The following PCMT1 variants were observed in gnomAD, a reference collection of about 807,000 sequenced individuals.
PCMT1 encodes the protein protein-L-isoaspartate (D-aspartate) O-methyltransferase.
A neutral mutation model predicts 29.2 loss-of-function variants in PCMT1; 9 were observed. The observed-to-expected ratio is 0.31, with a 90% CI of 0.19 to 0.54. PCMT1 has a LOEUF of 0.54. Ranked by LOEUF, PCMT1 falls within the 20% of genes least tolerant of loss-of-function variation. The pLI is 0.95. For synonymous variants in PCMT1, 98 were observed against 97.5 expected, an observed-to-expected ratio of 1.00 and a Z score of -0.03; for missense variants, 184 against 282.2, an observed-to-expected ratio of 0.65 and a Z score of 2.49.
chr6:149,807,970 G>C (rs769072986), intron 7 of PCMT1, among the ~76,000 whole-genome samples: 1 of 152,074 alleles, frequency 6.6e-6, no homozygotes, highest in Admixed American at 6.6e-5. Flanking sequence ...GATATATTCT[G>C]TTACTTTTGG....
chr6:149,757,431 A>G (rs1786552926), intron 1 of PCMT1, among the ~76,000 whole-genome samples: 1 of 152,186 alleles, frequency 6.6e-6, no homozygotes, highest in African/African-American at 2.4e-5. Context: ...AGCTTTGGTT[A>G]AATGCTTTCA....
At position 149,806,285 on chromosome 6, in the gene PCMT1, G is replaced by C. The variant is rs1041834604; in HGVS notation, c.*37+3869G>C. The stretch of plus-strand genomic sequence containing the variant: ...AGGGTAGTGTTCAGACTCGCGGTAG[G>C]GAGCCAGGCATTGAAGTGGTCAGAA... On this transcript the variant is annotated intron_variant, in intron 7 of 7. Transcript: ENST00000464889. Among the ~76,000 whole-genome samples the C allele has an allele frequency of 2.0e-5, 3 of 152,104 alleles. No homozygotes were observed. The East Asian group carries it at 5.8e-4, about 29-fold the overall frequency.
chr6:149,767,816 T>C (rs12213779), intron 1 of PCMT1, among the ~76,000 whole-genome samples: 80,270 of 150,568 alleles, frequency 0.53, 24,464 homozygotes, highest in East Asian at 0.83. Context: ...TGTTTTGAGA[T>C]GACGTCTTGC....
intron 5 of PCMT1, 57 bp from the exon 6 acceptor site, chr6:149,796,358 T>A (rs1264123958): frequency 1.3e-5 from 15 of 1,170,472 alleles, no homozygotes. Flanking sequence ...GTACTAGAAT[T>A]CTTCACATTA....
At chr6:149,796,308 T>G in intron 5 of PCMT1, 107 bp from the exon 6 acceptor site, 1 of 606,178 alleles carries the variant, frequency 1.6e-6, no homozygotes, top group Non-Finnish European at 2.9e-6. Flanking sequence ...CCCAGGATCA[T>G]TTATTGAAAA....
chr6:149,750,185 T>C, intron 1 of PCMT1: 3 of 618,486 alleles, frequency 4.9e-6, no homozygotes, highest in South Asian at 4.2e-5. Flanking sequence ...CAGGGGCCGC[T>C]GCTGGTGGGG....
chr6:149,787,727 C>G (rs1788181749), intron 3 of PCMT1, among the ~76,000 whole-genome samples: 1 of 151,950 alleles, frequency 6.6e-6, no homozygotes, highest in Non-Finnish European at 1.5e-5. Flanking sequence ...TAGTACAGTT[C>G]CTGTGTACTT....
intron 4 of PCMT1, among the ~76,000 whole-genome samples, chr6:149,790,830 G>A (rs530024722): frequency 6.6e-6 from 1 of 152,248 alleles, no homozygotes; most frequent in South Asian, 2.1e-4. Context: ...CCAACGTGGT[G>A]AAACCCCATC....
chr6:149,775,795 T>C (rs1295881486), intron 3 of PCMT1, among the ~76,000 whole-genome samples: 1 of 152,182 alleles, frequency 6.6e-6, no homozygotes, highest in African/African-American at 2.4e-5. Context: ...CATACATTTG[T>C]GTTTGTGTGT....
At chr6:149,773,110 T>G (rs1391204683) in intron 2 of PCMT1, 28 bp from the exon 3 acceptor site, 1 of 1,576,618 alleles carries the variant, frequency 6.3e-7, no homozygotes, top group South Asian at 1.1e-5. Flanking sequence ...CAGCTGACTG[T>G]ATCAGTAGTT....
intron 1 of PCMT1, among the ~76,000 whole-genome samples, chr6:149,769,522 C>A (rs544102609): frequency 6.6e-6 from 1 of 151,710 alleles, no homozygotes; most frequent in Non-Finnish European, 1.5e-5. Context: ...CCATGTTGGA[C>A]AGGCTGGTCT....
At chr6:149,785,626 C>T (rs1788003187) in intron 3 of PCMT1, among the ~76,000 whole-genome samples, 1 of 152,000 alleles carries the variant, frequency 6.6e-6, no homozygotes, top group Non-Finnish European at 1.5e-5. Context: ...AGCACGCTGC[C>T]TTCAAGCATC....
At chr6:149,750,544 G>C (rs1205415930) in intron 1 of PCMT1, among the ~76,000 whole-genome samples, 8 of 152,104 alleles carry the variant, frequency 5.3e-5, no homozygotes, top group Admixed American at 2.6e-4. Context: ...GAAATTTCTC[G>C]GGCGGCTGTC....
At chr6:149,781,117 C>CT (rs1020886553) in intron 3 of PCMT1, among the ~76,000 whole-genome samples, 5 of 148,658 alleles carry the variant, frequency 3.4e-5, no homozygotes, top group African/African-American at 1.2e-4. Flanking sequence ...TGTTGAGCGT[C>CT]TTTTCATGTG....
chr6:149,788,540 TC>T (rs1428031218), intron 3 of PCMT1, among the ~76,000 whole-genome samples: 1 of 152,210 alleles, frequency 6.6e-6, no homozygotes, highest in Non-Finnish European at 1.5e-5. Context: ...GTTTGATGTT[TC>T]CTCATAATTC....
intron 4 of PCMT1, among the ~76,000 whole-genome samples, chr6:149,792,786 T>G (rs562917127): frequency 1.3e-4 from 20 of 152,292 alleles, no homozygotes; most frequent in Admixed American, 2.6e-4. Flanking sequence ...CCCAAAGTGC[T>G]GGGATTATAG....
At chr6:149,770,305 C>T (rs889387745) in intron 1 of PCMT1, among the ~76,000 whole-genome samples, 4 of 152,138 alleles carry the variant, frequency 2.6e-5, no homozygotes, top group South Asian at 2.1e-4. Context: ...ATGGCATCAG[C>T]GTATCAATGA....
In PCMT1 at chr6:149,749,802, G is replaced by C; in HGVS notation, c.-100G>C. 1 of 1,552,544 alleles carries C rather than the reference G, an allele frequency of 6.4e-7. No individual in the cohort carries two copies. The highest frequency in any genetic ancestry group is 8.7e-7 in the Non-Finnish European group (1 of 1,147,408). ...GCAGCTACAGCGGGGACGCGAGCGG[G>C]GCGGTGACGGTGTGGGAGGTGGTCT... is the stretch of plus-strand genomic sequence containing the variant. On this transcript the variant is annotated 5_prime_UTR_variant, in exon 1 of 8. Coordinates refer to ENST00000464889, the MANE Select transcript of PCMT1 (RefSeq NM_001360452.2).
At chr6:149,793,093 G>C (rs1788439095) in intron 4 of PCMT1, among the ~76,000 whole-genome samples, 1 of 151,376 alleles carries the variant, frequency 6.6e-6, no homozygotes, top group African/African-American at 2.4e-5. Flanking sequence ...AACCTGGGAG[G>C]CAGAGGTTGC....
Sources: gnomAD v4.1 joint callset for allele counts (sites outside exome capture counted in the v4.1 genomes callset) on GRCh38, gnomAD v4.1.1 for gene constraint, MANE v1.5 for transcripts, NCBI Gene and HGNC (gene_info 2026-07-23, HGNC 2026-07-21) for gene names.